The following KIF11 variants were observed in gnomAD, a reference collection of about 807,000 sequenced individuals.
KIF11 encodes the protein kinesin family member 11.
A neutral mutation model predicts 121.0 loss-of-function variants in KIF11; 9 were observed. The observed-to-expected ratio is 0.07, with a 90% CI of 0.04 to 0.13. The LOEUF (loss-of-function observed/expected upper bound fraction) is 0.13, where lower values mean the gene tolerates loss of function less well. Among genes scored for constraint, KIF11 ranks in the 10% least tolerant of loss-of-function variants. KIF11 has a pLI of 1.00. For missense variants in KIF11, 846 were observed against 1,217.5 expected, an observed-to-expected ratio of 0.69 and a Z score of 4.54; for synonymous variants, 408 against 421.0, an observed-to-expected ratio of 0.97 and a Z score of 0.38.
At chr10:92,596,738 G>C (rs1203415685) in intron 1 of KIF11, 2 of 152,194 alleles carry the variant, frequency 1.3e-5, no homozygotes, top group Admixed American at 1.3e-4. Flanking sequence ...TTGAGTTTTA[G>C]GAATTTTCTA....
intron 19 of KIF11, among the ~76,000 whole-genome samples, chr10:92,649,005 T>C (rs1463207734): frequency 1.3e-5 from 2 of 152,170 alleles, no homozygotes; most frequent in African/African-American, 4.8e-5. Context: ...GCATGAATAA[T>C]TGGGTTCTTC....
At position 92,613,693 on chromosome 10, in the gene KIF11, C is replaced by G. The variant is rs1039844186; in HGVS notation, c.1032+74C>G. On this transcript the variant is annotated intron_variant, in intron 8 of 21. Coordinates refer to ENST00000260731, the MANE Select transcript of KIF11 (RefSeq NM_004523.4). The surrounding 1 kb of genome is among the most constrained non-coding windows in gnomAD (Gnocchi z 4.2). ...TTGGCTATTATATATTTTAAAAGTT[C>G]ATTTACTAGGATGGACACAGTGACT... is the stretch of plus-strand genomic sequence containing the variant. 6 of 1,396,848 alleles carry G rather than the reference C, an allele frequency of 4.3e-6. No homozygotes were observed. The African/African-American group carries it at 7.3e-5, about 17-fold the overall frequency. 86.5% of individuals were successfully genotyped at this position (1,396,848 alleles called of 1,614,324 possible).
In KIF11 at chr10:92,628,797, CTT is replaced by C; in HGVS notation, c.1218-9_1218-8del. On this transcript the variant is annotated splice_polypyrimidine_tract_variant and intron_variant, in intron 10 of 21. Transcript: ENST00000260731. ...TATTAACTGTTAAACTCATATTAAACTTTATTTTAGAGTCATGAGTGGAAAAT... is the reference window on the plus strand; with the variant it reads ...TATTAACTGTTAAACTCATATTAAACTATTTTAGAGTCATGAGTGGAAAAT... 1 of 1,469,044 alleles carries C rather than the reference CTT, an allele frequency of 6.8e-7. No individual in the cohort carries two copies. The highest frequency in any genetic ancestry group is 9.4e-7 in the Non-Finnish European group (1 of 1,060,648). 91.0% of individuals were successfully genotyped at this position (1,469,044 alleles called of 1,614,324 possible). A position where few individuals can be genotyped will look rare whatever the true frequency, so the allele number is the denominator to read the frequency against.
At position 92,629,298 on chromosome 10, in the gene KIF11, G is replaced by GA. The variant is rs996632161; in HGVS notation, c.1305+415dup. 1.8e-3 allele frequency among the ~76,000 whole-genome samples: 244 copies of GA among 137,656 alleles called. 1 individual carries two copies. The highest frequency in any genetic ancestry group is 4.5e-3 in the African/African-American group (169 of 37,530). The allele number at this position is 137,656 out of a possible 152,430, so 90.3% of individuals were successfully genotyped here. A position where few individuals can be genotyped will look rare whatever the true frequency, so the allele number is the denominator to read the frequency against. Reference sequence around the variant, plus strand: ...CACCCAGCTCCTTCAGATTTTTTTGGAAAAAAAAAAAAGATTTTATTTTGC... The same window carrying GA: ...CACCCAGCTCCTTCAGATTTTTTTGGAAAAAAAAAAAAAGATTTTATTTTGC... On this transcript the variant is annotated intron_variant, in intron 11 of 21. Transcript: ENST00000260731.
At position 92,616,837 on chromosome 10, in the gene KIF11, C is replaced by T. The variant is rs751815162; in HGVS notation, c.1128+5C>T. 1.1e-5 allele frequency: 17 copies of T among 1,498,280 alleles called. No individual in the cohort carries two copies. Among genetic ancestry groups the T allele is most frequent in the Middle Eastern group, 1.8e-4 (1 of 5,548 alleles). The allele number at this position is 1,498,280 out of a possible 1,614,324, so 92.8% of individuals were successfully genotyped here. Reference sequence around the variant, plus strand: ...ACCAAAAAAGCTCTTATTAAGGTAACTGTGAATTTTTGTAGAGTAATGTAA... The same window carrying T: ...ACCAAAAAAGCTCTTATTAAGGTAATTGTGAATTTTTGTAGAGTAATGTAA... On this transcript the variant is annotated splice_donor_5th_base_variant and intron_variant, in intron 9 of 21. Coordinates refer to ENST00000260731, the MANE Select transcript of KIF11 (RefSeq NM_004523.4).
intron 4 of KIF11, 47 bp from the exon 5 acceptor site, chr10:92,608,973 C>A: frequency 1.9e-6 from 2 of 1,065,924 alleles, no homozygotes; most frequent in Non-Finnish European, 2.6e-6. Flanking sequence ...TTAACTGCCA[C>A]AGTAAATGGC....
intron 10 of KIF11, 65 bp from the exon 11 acceptor site, chr10:92,628,743 G>T (rs1844703604): frequency 4.9e-6 from 4 of 819,942 alleles, no homozygotes; most frequent in African/African-American, 3.5e-5. Context: ...AATTGTGTTA[G>T]AATACATTTT....
At chr10:92,602,827 T>TACAC (rs1195725785) in intron 1 of KIF11, among the ~76,000 whole-genome samples, 3 of 78,162 alleles carry the variant, frequency 3.8e-5, no homozygotes, top group Non-Finnish European at 6.8e-5. Flanking sequence ...CACACACACG[T>TACAC]GTGTGTGTGT....
chr10:92,614,101 A>ATTT (rs199546714), intron 8 of KIF11, among the ~76,000 whole-genome samples: 15,977 of 133,266 alleles, frequency 0.12, 2,828 homozygotes, highest in African/African-American at 0.38. Context: ...TAGTAGCTTC[A>ATTT]TTTTTTTTTT....
intron 19 of KIF11, 24 bp from the exon 20 acceptor site, chr10:92,649,811 C>A: frequency 6.6e-7 from 1 of 1,514,988 alleles, no homozygotes; most frequent in Non-Finnish European, 9.0e-7. Context: ...TTAATTTTTA[C>A]CTCTTATCTA....
In KIF11 at chr10:92,616,772, A is replaced by C. The variant is rs1334163335; in HGVS notation, c.1068A>C (p.Ala356=). 1.2e-6 allele frequency: 2 copies of C among 1,607,670 alleles called. No individual in the cohort carries two copies. Among genetic ancestry groups the C allele is most frequent in the South Asian group, 2.2e-5 (2 of 89,902 alleles). Residue 356 remains alanine (A), a synonymous_variant, in exon 9 of 22, where the codon GCA becomes GCC. Transcript: ENST00000260731. ...TLSTLEYAHR[A]KNILNKPEVN... Reference sequence around the variant, plus strand: ...GTACATTGGAATATGCTCATAGAGCAAAGAACATATTGAATAAGCCTGAAG... The same window carrying C: ...GTACATTGGAATATGCTCATAGAGCCAAGAACATATTGAATAAGCCTGAAG...
At chr10:92,638,361 A>G (rs6583830) in intron 16 of KIF11, among the ~76,000 whole-genome samples, 106,290 of 151,944 alleles carry the variant, frequency 0.7, 38,538 homozygotes, top group East Asian at 0.93. Flanking sequence ...GGTAGTGATC[A>G]TACTACCTGA....
At chr10:92,628,310 C>T (rs967148321) in intron 10 of KIF11, among the ~76,000 whole-genome samples, 2 of 152,112 alleles carry the variant, frequency 1.3e-5, no homozygotes, top group African/African-American at 4.8e-5. Context: ...GGTGTAATTG[C>T]TCTGTATACA....
chr10:92,655,191 G>C lies in KIF11; in HGVS notation c.*1395G>C, dbSNP rs1382031157. On this transcript the variant is annotated 3_prime_UTR_variant, in exon 22 of 22. Transcript: ENST00000260731. Reference sequence around the variant, plus strand: ...TAGTGTGTAAAGTTTAGAGACATCTGACTTTGATAGCTAAATTAAACCAAA... The same window carrying C: ...TAGTGTGTAAAGTTTAGAGACATCTCACTTTGATAGCTAAATTAAACCAAA... 1 of 152,512 alleles carries C rather than the reference G, an allele frequency of 6.6e-6. No individual in the cohort carries two copies. The highest frequency in any genetic ancestry group is 2.4e-5 in the African/African-American group (1 of 41,432). 9.4% of individuals were successfully genotyped at this position (152,512 alleles called of 1,614,324 possible). A position where few individuals can be genotyped will look rare whatever the true frequency, so the allele number is the denominator to read the frequency against.
intron 17 of KIF11, among the ~76,000 whole-genome samples, chr10:92,640,136 C>T (rs1444843355): frequency 3.3e-5 from 5 of 152,092 alleles, no homozygotes; most frequent in East Asian, 1.9e-4. Context: ...AATATATTTT[C>T]GAATTTCCTC....
chr10:92,610,173 C>T (rs900529128), intron 6 of KIF11, among the ~76,000 whole-genome samples: 10 of 152,070 alleles, frequency 6.6e-5, no homozygotes, highest in African/African-American at 2.4e-4. Context: ...TGAAGGGGTC[C>T]CTGAGGCACT....
At chr10:92,604,166 G>T (rs79430363) in intron 1 of KIF11, among the ~76,000 whole-genome samples, 13,164 of 152,224 alleles carry the variant, frequency 0.086, 655 homozygotes, top group Middle Eastern at 0.11. Context: ...ATAAGTTAGA[G>T]AAGTCTGGGT....
chr10:92,631,522 C>T (rs1236435308), intron 12 of KIF11, among the ~76,000 whole-genome samples: 19 of 149,902 alleles, frequency 1.3e-4, no homozygotes, highest in Non-Finnish European at 2.2e-4. Context: ...CCACCGCGCC[C>T]GGCTAATTTT....
intron 19 of KIF11, 115 bp from the exon 20 acceptor site, chr10:92,649,720 G>T: frequency 1.5e-6 from 1 of 660,514 alleles, no homozygotes; most frequent in South Asian, 2.5e-5. Flanking sequence ...CTCATATATG[G>T]CAATTATATT....
Sources: allele counts gnomAD v4.1 joint callset (sites outside exome capture counted in the v4.1 genomes callset), GRCh38; gene constraint gnomAD v4.1.1; non-coding constraint Gnocchi (gnomAD v3.1); transcripts MANE v1.5; gene names NCBI Gene and HGNC (gene_info 2026-07-23, HGNC 2026-07-21).